ZFPM2: variants seen among roughly 807,000 people sequenced by gnomAD.
ZFPM2 encodes the protein zinc finger protein ZFPM2.
Under a neutral mutation model 98.6 loss-of-function variants are expected in ZFPM2, and 20 were observed. That is an observed-to-expected ratio of 0.20 (90% CI 0.14 to 0.29). ZFPM2 has a LOEUF of 0.29. Ranked by LOEUF, ZFPM2 falls within the 10% of genes least tolerant of loss-of-function variation. The pLI, the probability that ZFPM2 is intolerant of heterozygous loss-of-function variation, is 1.00. For synonymous variants in ZFPM2, 518 were observed against 502.7 expected, an observed-to-expected ratio of 1.03 and a Z score of -0.41; for missense variants, 1,310 against 1,388.6, an observed-to-expected ratio of 0.94 and a Z score of 0.90.
chr8:105,618,425 A>T (rs1324389491), intron 4 of ZFPM2, among the ~76,000 whole-genome samples: 1 of 152,098 alleles, frequency 6.6e-6, no homozygotes. Context: ...TTGTTGTAAA[A>T]ATTGATTAAA....
At chr8:105,560,515 G>A (rs548719072) in intron 3 of ZFPM2, among the ~76,000 whole-genome samples, 2 of 150,678 alleles carry the variant, frequency 1.3e-5, no homozygotes, top group African/African-American at 2.4e-5. Flanking sequence ...AAGACAGGCT[G>A]CAAGTCCTGA....
intron 1 of ZFPM2, among the ~76,000 whole-genome samples, chr8:105,322,226 G>C (rs1288730281): frequency 6.6e-6 from 1 of 152,010 alleles, no homozygotes. Flanking sequence ...TGCCCAGATT[G>C]TTCTCCATTC....
intron 1 of ZFPM2, among the ~76,000 whole-genome samples, chr8:105,380,647 A>ATATATATATATTATATATAACATATATGT (rs1810837151): frequency 7.2e-5 from 1 of 13,904 alleles, no homozygotes; most frequent in Non-Finnish European, 1.3e-4. Flanking sequence ...TATATATATT[A>ATATATATATATTATATATAACATATATGT]TATATATATA....
At position 105,784,896 on chromosome 8, in the gene ZFPM2, C is replaced by T. The variant is rs768257767; in HGVS notation, c.533-3822C>T. 4 of 145,792 alleles carry T rather than the reference C, an allele frequency of 2.7e-5. 1 individual carries two copies. The highest frequency in any genetic ancestry group is 8.5e-5 in the African/African-American group (3 of 35,352). 9.0% of individuals were successfully genotyped at this position (145,792 alleles called of 1,614,324 possible). A position where few individuals can be genotyped will look rare whatever the true frequency, so the allele number is the denominator to read the frequency against. ...CTATAAATGACTCCCTCAAGTTGTA[C>T]GTTCTAAGTTCACCATCTAAAAACT... On this transcript the variant is annotated intron_variant, in intron 5 of 7. Transcript: ENST00000407775.
At chr8:105,652,249 G>A (rs535463471) in intron 5 of ZFPM2, among the ~76,000 whole-genome samples, 3 of 149,198 alleles carry the variant, frequency 2.0e-5, no homozygotes, top group Admixed American at 6.7e-5. Context: ...ACCTGAAATT[G>A]GAGGCTTTTC....
intron 2 of ZFPM2, among the ~76,000 whole-genome samples, chr8:105,435,998 A>G (rs1392416560): frequency 6.6e-6 from 1 of 152,178 alleles, no homozygotes; most frequent in African/African-American, 2.4e-5. Context: ...CATTTTATTT[A>G]TTAAATAGAA....
chr8:105,623,124 A>G (rs542230178), intron 4 of ZFPM2, among the ~76,000 whole-genome samples: 1 of 152,300 alleles, frequency 6.6e-6, no homozygotes, highest in Admixed American at 6.5e-5. Flanking sequence ...CAGCTACTCT[A>G]ACACTTCCAC....
At chr8:105,468,615 C>T (rs1447813927) in intron 3 of ZFPM2, among the ~76,000 whole-genome samples, 1 of 152,084 alleles carries the variant, frequency 6.6e-6, no homozygotes, top group Admixed American at 6.6e-5. Flanking sequence ...CTTATCGTTG[C>T]TTTACTGTGA....
intron 3 of ZFPM2, among the ~76,000 whole-genome samples, chr8:105,478,219 T>G (rs1586401671): frequency 6.6e-6 from 1 of 152,172 alleles, no homozygotes; most frequent in Non-Finnish European, 1.5e-5. Flanking sequence ...AATGTGTGGT[T>G]TGGGTAATTG....
intron 3 of ZFPM2, among the ~76,000 whole-genome samples, chr8:105,451,942 CTG>C (rs1301803153): frequency 9.2e-5 from 14 of 152,188 alleles, no homozygotes; most frequent in South Asian, 2.1e-4. Flanking sequence ...TCTATGAAAA[CTG>C]TGTTGAAACC....
chr8:105,637,998 C>T (rs1261612404), intron 5 of ZFPM2, among the ~76,000 whole-genome samples: 2 of 151,830 alleles, frequency 1.3e-5, no homozygotes, highest in East Asian at 1.9e-4. Flanking sequence ...TTCATCTGCT[C>T]ATATAACTGA....
At chr8:105,717,283 C>A (rs1811546803) in intron 5 of ZFPM2, among the ~76,000 whole-genome samples, 1 of 152,030 alleles carries the variant, frequency 6.6e-6, no homozygotes, top group South Asian at 2.1e-4. Context: ...ATAGCATACC[C>A]AACCTTGAGG....
chr8:105,645,756 T>C (rs1817029979), intron 5 of ZFPM2, among the ~76,000 whole-genome samples: 1 of 151,916 alleles, frequency 6.6e-6, no homozygotes, highest in Non-Finnish European at 1.5e-5. Context: ...GGAGGAATAT[T>C]TATAAAAGGA....
At chr8:105,418,230 A>C (rs1171207833) in intron 1 of ZFPM2, among the ~76,000 whole-genome samples, 4 of 152,120 alleles carry the variant, frequency 2.6e-5, no homozygotes, top group Non-Finnish European at 5.9e-5. Context: ...AATTAGTACA[A>C]ATTACCATAA....
intron 1 of ZFPM2, among the ~76,000 whole-genome samples, chr8:105,394,633 C>T (rs531226756): frequency 4.0e-4 from 61 of 152,230 alleles, no homozygotes; most frequent in African/African-American, 1.3e-3. Context: ...TTTGTAAAAG[C>T]GAGTACATCC....
intron 2 of ZFPM2, among the ~76,000 whole-genome samples, chr8:105,436,232 G>T (rs1812116084): frequency 6.6e-6 from 1 of 152,054 alleles, no homozygotes; most frequent in South Asian, 2.1e-4. Context: ...ATTTTAATAT[G>T]CAAGTGCCTG....
rs1812698600 is a variant in ZFPM2, at chr8:105,759,961, A to G, written c.533-28757A>G. On this transcript the variant is annotated intron_variant, in intron 5 of 7. Coordinates refer to ENST00000407775, the MANE Select transcript of ZFPM2 (RefSeq NM_012082.4). The stretch of plus-strand genomic sequence containing the variant: ...CGAAACAGACAGAACTTACTTTTCT[A>G]CAGCTCTAGAAGGTAAGACAGTAGA... 2.0e-5 allele frequency among the ~76,000 whole-genome samples: 3 copies of G among 152,132 alleles called. No individual in the cohort carries two copies. In the South Asian group the frequency reaches 6.2e-4, roughly 32 times the overall value.
chr8:105,699,113 A>G (rs1483349267), intron 5 of ZFPM2, among the ~76,000 whole-genome samples: 1 of 152,154 alleles, frequency 6.6e-6, no homozygotes, highest in Non-Finnish European at 1.5e-5. Context: ...CTTAATTGCA[A>G]ATTTGGGTCT....
chr8:105,393,333 T>TGTCTGTC (rs370622164), intron 1 of ZFPM2, among the ~76,000 whole-genome samples: 26 of 92,988 alleles, frequency 2.8e-4, no homozygotes, highest in African/African-American at 1.0e-3. Context: ...TCTCTCTCTC[T>TGTCTGTC]TTGCCTTTCT....
Sources: gnomAD v4.1 joint callset for allele counts (sites outside exome capture counted in the v4.1 genomes callset) on GRCh38, gnomAD v4.1.1 for gene constraint, MANE v1.5 for transcripts, NCBI Gene and HGNC (gene_info 2026-07-23, HGNC 2026-07-21) for gene names.